ADAMTS17: variants seen among roughly 807,000 people sequenced by gnomAD.
The protein encoded by ADAMTS17 is A disintegrin and metalloproteinase with thrombospondin motifs 17.
Under a neutral mutation model 141.5 loss-of-function variants are expected in ADAMTS17, and 113 were observed. The observed-to-expected ratio is 0.80, with a 90% CI of 0.69 to 0.93. The LOEUF is 0.93. Ranked by LOEUF, ADAMTS17 falls within the 40% of genes least tolerant of loss-of-function variation. The pLI, the probability that ADAMTS17 is intolerant of heterozygous loss-of-function variation, is 0.00. For synonymous variants in ADAMTS17, 768 were observed against 630.6 expected (o/e 1.22, Z -3.27); for missense variants, 1,659 against 1,517.9 (o/e 1.09, Z -1.54).
chr15:100,324,077 G>A (rs2045822905), intron 3 of ADAMTS17, among the ~76,000 whole-genome samples: 1 of 151,760 alleles, frequency 6.6e-6, no homozygotes, highest in South Asian at 2.1e-4. Flanking sequence ...GGCCGAGGCA[G>A]GCAGATCACC....
chr15:100,075,666 G>T (rs1053648515), intron 15 of ADAMTS17, among the ~76,000 whole-genome samples: 3 of 152,172 alleles, frequency 2.0e-5, no homozygotes, highest in Admixed American at 6.5e-5. Flanking sequence ...GGGATACAAG[G>T]CTATATTATC....
intron 15 of ADAMTS17, among the ~76,000 whole-genome samples, chr15:100,057,249 G>A (rs769456721): frequency 1.9e-4 from 29 of 152,260 alleles, no homozygotes; most frequent in Middle Eastern, 3.4e-3. Context: ...GGCCTCAGAG[G>A]GTGGGAAGAA....
chr15:100,230,081 A>G (rs79548774), intron 7 of ADAMTS17, among the ~76,000 whole-genome samples: 2,203 of 152,336 alleles, frequency 0.014, 23 homozygotes, highest in Middle Eastern at 0.041. Context: ...AAGCTGCACG[A>G]GCATAACCAA....
At chr15:100,228,904 C>A (rs533330688) in intron 7 of ADAMTS17, among the ~76,000 whole-genome samples, 1 of 152,180 alleles carries the variant, frequency 6.6e-6, no homozygotes, top group South Asian at 2.1e-4. Context: ...CCTGCCTCTA[C>A]GAGGGGGCCA....
intron 18 of ADAMTS17, among the ~76,000 whole-genome samples, chr15:100,030,776 T>C (rs1467756381): frequency 2.6e-5 from 4 of 152,264 alleles, no homozygotes; most frequent in Admixed American, 6.5e-5. Flanking sequence ...GTTAGTATAC[T>C]CTGGGACCTG....
At chr15:100,011,773 C>G (rs79898361) in intron 18 of ADAMTS17, among the ~76,000 whole-genome samples, 1,880 of 152,248 alleles carry the variant, frequency 0.012, 39 homozygotes, top group African/African-American at 0.043. Flanking sequence ...ATAAATATAC[C>G]ACAGTCTCTT....
intron 7 of ADAMTS17, among the ~76,000 whole-genome samples, chr15:100,200,605 G>C (rs569309947): frequency 6.6e-6 from 1 of 152,192 alleles, no homozygotes; most frequent in African/African-American, 2.4e-5. Flanking sequence ...ACACGCAAGC[G>C]GATGGTGGCA....
intron 3 of ADAMTS17, among the ~76,000 whole-genome samples, chr15:100,288,552 AAC>A (rs1236241137): frequency 1.8e-4 from 27 of 152,250 alleles, no homozygotes; most frequent in Non-Finnish European, 4.4e-5. Context: ...GCCCAAAAGC[AAC>A]AGAGTATACA....
At chr15:100,002,639 CAAAAAGTTTT>C (rs2060952986) in intron 18 of ADAMTS17, among the ~76,000 whole-genome samples, 1 of 152,050 alleles carries the variant, frequency 6.6e-6, no homozygotes, top group African/African-American at 2.4e-5. Flanking sequence ...AAATGTCATT[CAAAAAGTTTT>C]GTAGATTTAA....
chr15:100,341,189 C>G lies in ADAMTS17; in HGVS notation c.300G>C (p.Leu100=). Residue 100 remains leucine (L), a synonymous_variant, in exon 2 of 22, where the codon CTG becomes CTC. Coordinates refer to ENST00000268070, the MANE Select transcript of ADAMTS17 (RefSeq NM_139057.4). ...CCTCGAAGCCTCGGGACAGGAAGCG[C>G]AGGTCGCGGCGCAGCTGAAGGTACA... The part of the protein sequence containing the change: ...RDLYLQLRRD[L]RFLSRGFEVE... The G allele has an allele frequency of 6.8e-7, 1 of 1,464,220 alleles. No individual in the cohort carries two copies. The highest frequency in any genetic ancestry group is 9.0e-7 in the Non-Finnish European group (1 of 1,111,916). The allele number at this position is 1,464,220 out of a possible 1,614,324, so 90.7% of individuals were successfully genotyped here.
chr15:99,974,292 T>G lies in ADAMTS17; in HGVS notation c.*110A>C. ...AAGTCCACGCTCATGTTCTATGTAG[T>G]TGGATTCTTGTGGCAGCCGGGTGGG... On this transcript the variant is annotated 3_prime_UTR_variant, in exon 22 of 22. Coordinates refer to ENST00000268070, the MANE Select transcript of ADAMTS17 (RefSeq NM_139057.4). 2 of 1,418,660 alleles carry G rather than the reference T, an allele frequency of 1.4e-6. No individual in the cohort carries two copies. Among genetic ancestry groups the G allele is most frequent in the Non-Finnish European group, 2.0e-6 (2 of 1,012,326 alleles). The allele number at this position is 1,418,660 out of a possible 1,614,324, so 87.9% of individuals were successfully genotyped here.
In ADAMTS17 at chr15:100,206,761, C is replaced by T. The variant is rs552770210; in HGVS notation, c.1076-7338G>A. On this transcript the variant is annotated intron_variant, in intron 7 of 21. Transcript: ENST00000268070. Reference sequence around the variant, plus strand: ...CCCCAAAGGGAATCTGGGAATGGATCGAATCTCCCTTCAGAGATTCAAATG... The same window carrying T: ...CCCCAAAGGGAATCTGGGAATGGATTGAATCTCCCTTCAGAGATTCAAATG... Among the ~76,000 whole-genome samples, 5 of 152,252 alleles carry T rather than the reference C, an allele frequency of 3.3e-5. No homozygotes were observed. In the South Asian group the frequency reaches 8.3e-4, roughly 25 times the overall value.
chr15:100,232,755 G>A (rs184378753), intron 7 of ADAMTS17, among the ~76,000 whole-genome samples: 100 of 152,268 alleles, frequency 6.6e-4, no homozygotes, highest in Non-Finnish European at 1.2e-3. Context: ...GGGACACCCT[G>A]CCCAGGCCCT....
intron 7 of ADAMTS17, among the ~76,000 whole-genome samples, chr15:100,243,327 T>C (rs1567416823): frequency 6.6e-6 from 1 of 152,234 alleles, no homozygotes; most frequent in Non-Finnish European, 1.5e-5. Flanking sequence ...TTTCAATTCT[T>C]TTGGGAGTGT....
At chr15:100,217,182 G>A (rs1226960432) in intron 7 of ADAMTS17, among the ~76,000 whole-genome samples, 2 of 152,100 alleles carry the variant, frequency 1.3e-5, no homozygotes, top group Non-Finnish European at 1.5e-5. Context: ...ATGTCATCTC[G>A]GACAAGGCAG....
rs531521838 is a variant in ADAMTS17 at position 100,251,892 on chromosome 15, G to A, written c.1075+2244C>T. 6.6e-5 allele frequency among the ~76,000 whole-genome samples: 10 copies of A among 152,328 alleles called. No homozygotes were observed. The South Asian group carries it at 2.1e-3, about 32-fold the overall frequency. The stretch of plus-strand genomic sequence containing the variant: ...GACACAGGAGAAGGCAGCCAGCTAC[G>A]GCCAAGAGGAGAGGCCCTCAGGAGA... On this transcript the variant is annotated intron_variant, in intron 7 of 21. Transcript: ENST00000268070.
At chr15:100,306,639 A>T in intron 3 of ADAMTS17, 1 of 450,682 alleles carries the variant, frequency 2.2e-6, no homozygotes, top group Non-Finnish European at 4.5e-6. Context: ...CTATGAACTT[A>T]TTAAAATGGC....
chr15:100,247,666 A>G (rs2043029151), intron 7 of ADAMTS17, among the ~76,000 whole-genome samples: 1 of 152,180 alleles, frequency 6.6e-6, no homozygotes, highest in Non-Finnish European at 1.5e-5. Context: ...ATGACATCAC[A>G]GGGTTCACAG....
intron 3 of ADAMTS17, among the ~76,000 whole-genome samples, chr15:100,287,206 A>G (rs990797017): frequency 6.6e-6 from 1 of 152,096 alleles, no homozygotes; most frequent in Non-Finnish European, 1.5e-5. Flanking sequence ...AACAAAAAAG[A>G]TCTGATGGAG....
Sources: gnomAD v4.1 joint callset for allele counts (sites outside exome capture counted in the v4.1 genomes callset) on GRCh38, gnomAD v4.1.1 for gene constraint, MANE v1.5 for transcripts, NCBI Gene and HGNC (gene_info 2026-07-23, HGNC 2026-07-21) for gene names.